The following MCU variants were observed in gnomAD, a reference collection of about 807,000 sequenced individuals.
MCU encodes the protein calcium uniporter protein, mitochondrial.
In MCU, 12 loss-of-function variants were observed where a neutral mutation model predicts 45.2. That is an observed-to-expected ratio of 0.27 (90% CI 0.17 to 0.43). The LOEUF (loss-of-function observed/expected upper bound fraction) is 0.43, where lower values mean the gene tolerates loss of function less well. MCU is among the 20% of genes least tolerant of loss of function. The pLI, the probability that MCU is intolerant of heterozygous loss-of-function variation, is 1.00. For synonymous variants in MCU, 160 were observed against 165.1 expected (o/e 0.97, Z 0.24); for missense variants, 324 against 436.7 (o/e 0.74, Z 2.30).
intron 1 of MCU, among the ~76,000 whole-genome samples, chr10:72,832,934 A>ATGTGTGTGTGTGTG (rs6143982): frequency 0.015 from 2,118 of 143,858 alleles, 55 homozygotes; most frequent in African/African-American, 0.047. Context: ...ACCAATAGCT[A>ATGTGTGTGTGTGTG]TGTGTGTGTG....
intron 6 of MCU, among the ~76,000 whole-genome samples, chr10:72,878,341 C>G (rs756396335): frequency 1.5e-4 from 23 of 151,938 alleles, no homozygotes; most frequent in Admixed American, 2.0e-4. Context: ...TGACCGGTCT[C>G]AAACTCCTGG....
intron 1 of MCU, among the ~76,000 whole-genome samples, chr10:72,741,419 C>T (rs1317599204): frequency 6.6e-6 from 1 of 152,022 alleles, no homozygotes; most frequent in East Asian, 1.9e-4. Context: ...ATTTTCTTGA[C>T]CATAACTAAA....
intron 1 of MCU, among the ~76,000 whole-genome samples, chr10:72,760,869 C>T (rs1259707768): frequency 6.6e-6 from 1 of 151,844 alleles, no homozygotes; most frequent in East Asian, 1.9e-4. Context: ...ATTTTCATTC[C>T]TATTCAATAG....
At position 72,862,169 on chromosome 10, in the gene MCU, G is replaced by A. The variant is rs1008685140; in HGVS notation, c.496+1642G>A. Reference sequence around the variant, plus strand: ...GCTAATTTTTTGTATTTTTAGTAGAGACGGGGTTTCACCGTGTTAGCCAGG... The same window carrying A: ...GCTAATTTTTTGTATTTTTAGTAGAAACGGGGTTTCACCGTGTTAGCCAGG... On this transcript the variant is annotated intron_variant, in intron 4 of 7. Coordinates refer to ENST00000373053, the MANE Select transcript of MCU (RefSeq NM_138357.3). Among the ~76,000 whole-genome samples the A allele has an allele frequency of 7.2e-5, 11 of 152,022 alleles. 1 individual carries two copies. The South Asian group carries it at 2.3e-3, about 32-fold the overall frequency.
chr10:72,848,182 T>C (rs957539097), intron 2 of MCU, among the ~76,000 whole-genome samples: 5 of 152,206 alleles, frequency 3.3e-5, no homozygotes, highest in Non-Finnish European at 7.3e-5. Flanking sequence ...ATGCATTTTT[T>C]GACTTACAGT....
intron 2 of MCU, among the ~76,000 whole-genome samples, chr10:72,845,848 C>T (rs1845112920): frequency 6.6e-6 from 1 of 151,564 alleles, no homozygotes; most frequent in African/African-American, 2.4e-5. Context: ...TGAATATTTC[C>T]AGAAATACGA....
intron 1 of MCU, among the ~76,000 whole-genome samples, chr10:72,732,581 T>C (rs920337586): frequency 1.3e-5 from 2 of 152,248 alleles, no homozygotes; most frequent in Non-Finnish European, 2.9e-5. Context: ...CTAGAATTCC[T>C]GTGGGAATCT....
chr10:72,817,844 C>T (rs886108072), intron 1 of MCU, among the ~76,000 whole-genome samples: 9 of 152,152 alleles, frequency 5.9e-5, no homozygotes, highest in African/African-American at 2.2e-4. Flanking sequence ...TAATGGAGTT[C>T]AGTGACCCAG....
chr10:72,827,865 A>G (rs1248659899), intron 1 of MCU, among the ~76,000 whole-genome samples: 1 of 152,084 alleles, frequency 6.6e-6, no homozygotes, highest in Non-Finnish European at 1.5e-5. Flanking sequence ...AAGTCTTCCC[A>G]CTCCAGTGTT....
At chr10:72,839,026 A>G (rs1845005037) in intron 2 of MCU, among the ~76,000 whole-genome samples, 2 of 150,804 alleles carry the variant, frequency 1.3e-5, no homozygotes, top group Non-Finnish European at 2.9e-5. Flanking sequence ...GTCCCGCTCC[A>G]TCACCCAGGC....
At chr10:72,718,193 C>T (rs1441625913) in intron 1 of MCU, among the ~76,000 whole-genome samples, 2 of 152,038 alleles carry the variant, frequency 1.3e-5, no homozygotes, top group Admixed American at 6.5e-5. Context: ...TTTCAATTTC[C>T]AAGAGTCTAT....
At chr10:72,760,855 A>G (rs1425037186) in intron 1 of MCU, among the ~76,000 whole-genome samples, 1 of 151,614 alleles carries the variant, frequency 6.6e-6, no homozygotes. Flanking sequence ...CCAGGCCCAT[A>G]GATATTTTCA....
chr10:72,703,407 A>G (rs1194605168), intron 1 of MCU, among the ~76,000 whole-genome samples: 3 of 152,224 alleles, frequency 2.0e-5, no homozygotes, highest in Admixed American at 6.5e-5. Flanking sequence ...CACCTAGCAT[A>G]TAAACCCCCA....
intron 1 of MCU, among the ~76,000 whole-genome samples, chr10:72,752,255 A>T (rs1416547176): frequency 2.9e-5 from 4 of 139,562 alleles, no homozygotes; most frequent in Admixed American, 2.2e-4. Flanking sequence ...ACAGGTCCAG[A>T]TTTTTTTTTT....
chr10:72,726,193 C>T (rs1375118509), intron 1 of MCU, among the ~76,000 whole-genome samples: 2 of 151,910 alleles, frequency 1.3e-5, no homozygotes, highest in Admixed American at 6.6e-5. Context: ...GGCCGTGGCA[C>T]CTGGCTCCAC....
intron 1 of MCU, among the ~76,000 whole-genome samples, chr10:72,761,824 T>C (rs1231090512): frequency 6.6e-6 from 1 of 152,118 alleles, no homozygotes; most frequent in Admixed American, 6.5e-5. Context: ...ACCCAATATG[T>C]AGTTTTTTTA....
At chr10:72,726,272 T>TGTGG (rs1554820487) in intron 1 of MCU, among the ~76,000 whole-genome samples, 2 of 151,018 alleles carry the variant, frequency 1.3e-5, no homozygotes, top group Admixed American at 6.6e-5. Flanking sequence ...TGTGTGTGTG[T>TGTGG]GTGTGTGTGT....
intron 1 of MCU, among the ~76,000 whole-genome samples, chr10:72,699,793 T>C (rs1380552412): frequency 1.3e-5 from 2 of 151,746 alleles, no homozygotes; most frequent in African/African-American, 2.4e-5. Flanking sequence ...GGTTTTGCCA[T>C]GTTGGTTAGG....
chr10:72,724,993 G>C (rs1290429527), intron 1 of MCU, among the ~76,000 whole-genome samples: 1 of 152,174 alleles, frequency 6.6e-6, no homozygotes, highest in Non-Finnish European at 1.5e-5. Context: ...AAGGTCTCAT[G>C]TTGTCATCCA....
Sources: allele counts gnomAD v4.1 joint callset (sites outside exome capture counted in the v4.1 genomes callset), GRCh38; gene constraint gnomAD v4.1.1; transcripts MANE v1.5; gene names NCBI Gene and HGNC (gene_info 2026-07-23, HGNC 2026-07-21).